KCNIP4: variants seen among roughly 807,000 people sequenced by gnomAD.
The protein encoded by KCNIP4 is Kv channel-interacting protein 4.
In KCNIP4, 12 loss-of-function variants were observed where a neutral mutation model predicts 34.0. That is an observed-to-expected ratio of 0.35 (90% CI 0.23 to 0.57). The LOEUF is 0.57. Ranked by LOEUF, KCNIP4 falls within the 20% of genes least tolerant of loss-of-function variation. KCNIP4 has a pLI of 0.83. For missense variants in KCNIP4, 238 were observed against 311.7 expected (o/e 0.76, Z 1.78); for synonymous variants, 124 against 102.2 (o/e 1.21, Z -1.29).
At chr4:21,485,760 G>T (rs1414448974) in intron 1 of KCNIP4, among the ~76,000 whole-genome samples, 1 of 152,160 alleles carries the variant, frequency 6.6e-6, no homozygotes, top group Non-Finnish European at 1.5e-5. Context: ...ATTTGTCATT[G>T]TTTATCACAT....
At chr4:20,985,077 C>G (rs1736450666) in intron 1 of KCNIP4, among the ~76,000 whole-genome samples, 1 of 152,128 alleles carries the variant, frequency 6.6e-6, no homozygotes, top group African/African-American at 2.4e-5. Flanking sequence ...TGAAGCCCAA[C>G]CTAAAAACGG....
At chr4:21,106,051 A>C (rs1465684476) in intron 1 of KCNIP4, among the ~76,000 whole-genome samples, 1 of 151,536 alleles carries the variant, frequency 6.6e-6, no homozygotes, top group Non-Finnish European at 1.5e-5. Flanking sequence ...ATTGGTCTAA[A>C]ATTCTCTTTT....
At chr4:21,876,923 C>T (rs1400804249) in intron 1 of KCNIP4, among the ~76,000 whole-genome samples, 1 of 151,798 alleles carries the variant, frequency 6.6e-6, no homozygotes, top group Non-Finnish European at 1.5e-5. Context: ...CAAGCCAGTC[C>T]ATCTGCTAGT....
chr4:21,026,225 C>T (rs556932155), intron 1 of KCNIP4, among the ~76,000 whole-genome samples: 83 of 152,204 alleles, frequency 5.5e-4, no homozygotes, highest in Non-Finnish European at 1.6e-4. Flanking sequence ...TGCCTCATGC[C>T]AATTATGGCT....
At chr4:21,206,641 T>C (rs1756873132) in intron 1 of KCNIP4, among the ~76,000 whole-genome samples, 1 of 152,218 alleles carries the variant, frequency 6.6e-6, no homozygotes, top group African/African-American at 2.4e-5. Flanking sequence ...AAGTCTCTTA[T>C]TTTCTCTGAA....
At chr4:21,270,316 C>T (rs1256478598) in intron 1 of KCNIP4, among the ~76,000 whole-genome samples, 1 of 152,126 alleles carries the variant, frequency 6.6e-6, no homozygotes, top group African/African-American at 2.4e-5. Flanking sequence ...TGGGCCTACC[C>T]TCAGCTGCCA....
chr4:21,038,916 G>A (rs1049943176), intron 1 of KCNIP4, among the ~76,000 whole-genome samples: 1 of 152,162 alleles, frequency 6.6e-6, no homozygotes, highest in African/African-American at 2.4e-5. Context: ...GTTGGGCTCA[G>A]AGGTCCACAG....
At chr4:20,767,587 C>G (rs1274709651) in intron 3 of KCNIP4, among the ~76,000 whole-genome samples, 3 of 152,126 alleles carry the variant, frequency 2.0e-5, no homozygotes, top group Admixed American at 6.5e-5. Context: ...GTTTTCAGAG[C>G]TCTGTTGAAA....
At chr4:20,868,991 T>C (rs1238590105) in intron 2 of KCNIP4, among the ~76,000 whole-genome samples, 1 of 152,060 alleles carries the variant, frequency 6.6e-6, no homozygotes, top group Non-Finnish European at 1.5e-5. Context: ...AAGAAGAACA[T>C]TACTGTAAAG....
At chr4:20,960,913 G>A (rs899850874) in intron 1 of KCNIP4, among the ~76,000 whole-genome samples, 1 of 152,184 alleles carries the variant, frequency 6.6e-6, no homozygotes, top group African/African-American at 2.4e-5. Flanking sequence ...TAAGACATTG[G>A]AGACTGATCA....
chr4:21,514,884 T>A (rs1243253539), intron 1 of KCNIP4, among the ~76,000 whole-genome samples: 1 of 152,216 alleles, frequency 6.6e-6, no homozygotes, highest in East Asian at 1.9e-4. Flanking sequence ...GATGTGTGCC[T>A]GCAAGAAGAC....
intron 1 of KCNIP4, among the ~76,000 whole-genome samples, chr4:20,916,986 TATATA>T (rs1728883993): frequency 5.1e-5 from 4 of 78,900 alleles, no homozygotes; most frequent in East Asian, 3.2e-4. Flanking sequence ...ATCTTATGTT[TATATA>T]TATATATATA....
intron 2 of KCNIP4, among the ~76,000 whole-genome samples, chr4:20,865,731 T>C (rs989881044): frequency 6.6e-6 from 1 of 152,000 alleles, no homozygotes; most frequent in Non-Finnish European, 1.5e-5. Flanking sequence ...TAGGTCAAGG[T>C]ATAGAAAGTA....
In KCNIP4 at chr4:21,535,914, T is replaced by C. The variant is rs145611256; in HGVS notation, c.61+412657A>G. On this transcript the variant is annotated intron_variant, in intron 1 of 8. Coordinates refer to ENST00000382152, the MANE Select transcript of KCNIP4 (RefSeq NM_025221.6). ...CCTACTCCATTCCTGAAAATCAAAA[T>C]TTTGAAGCAGAAATCTGAGTCTCCA... 8.2e-4 allele frequency among the ~76,000 whole-genome samples: 125 copies of C among 152,250 alleles called. 3 individuals are homozygous for C. The highest frequency in any genetic ancestry group is 2.8e-3 in the African/African-American group (118 of 41,548).
At chr4:21,498,373 T>G (rs570502358) in intron 1 of KCNIP4, among the ~76,000 whole-genome samples, 145 of 152,354 alleles carry the variant, frequency 9.5e-4, no homozygotes, top group Non-Finnish European at 1.8e-3. Flanking sequence ...GTACACTCTT[T>G]CTGCTAGTGT....
intron 1 of KCNIP4, among the ~76,000 whole-genome samples, chr4:21,755,014 A>C (rs1407186695): frequency 6.6e-6 from 1 of 152,060 alleles, no homozygotes; most frequent in Non-Finnish European, 1.5e-5. Flanking sequence ...AGGCATGGTC[A>C]TGTGTGCCTG....
chr4:20,942,116 A>G (rs1468238662), intron 1 of KCNIP4, among the ~76,000 whole-genome samples: 1 of 152,130 alleles, frequency 6.6e-6, no homozygotes, highest in Non-Finnish European at 1.5e-5. Context: ...CCGTTTAGAG[A>G]TTGTTATTTT....
intron 1 of KCNIP4, among the ~76,000 whole-genome samples, chr4:21,719,577 A>G (rs1714635947): frequency 6.6e-6 from 1 of 152,204 alleles, no homozygotes; most frequent in Admixed American, 6.5e-5. Flanking sequence ...AAGACTCCCT[A>G]GAAATCCATT....
chr4:21,489,947 A>G (rs1303420980), intron 1 of KCNIP4, among the ~76,000 whole-genome samples: 4 of 152,152 alleles, frequency 2.6e-5, no homozygotes, highest in African/African-American at 9.7e-5. Flanking sequence ...GAGATTTTCA[A>G]TTTCTTGGCC....
Sources: gnomAD v4.1 joint callset for allele counts (sites outside exome capture counted in the v4.1 genomes callset) on GRCh38, gnomAD v4.1.1 for gene constraint, MANE v1.5 for transcripts, NCBI Gene and HGNC (gene_info 2026-07-23, HGNC 2026-07-21) for gene names.